Variants in CEP128 observed in about 807,000 individuals in gnomAD.
The protein encoded by CEP128 is centrosomal protein 128kDa.
Under a neutral mutation model 156.7 loss-of-function variants are expected in CEP128, and 132 were observed. The ratio of observed to expected loss-of-function variants is 0.84; its 90% CI spans 0.73 to 0.97. The LOEUF (loss-of-function observed/expected upper bound fraction) is 0.97. CEP128 is among the 50% of genes least tolerant of loss of function. CEP128 has a pLI of 0.00. For synonymous variants in CEP128, 469 were observed against 448.9 expected (o/e 1.04, Z -0.57); for missense variants, 1,252 against 1,281.9 (o/e 0.98, Z 0.36).
chr14:80,628,137 C>A (rs957128258), intron 19 of CEP128, among the ~76,000 whole-genome samples: 1 of 152,232 alleles, frequency 6.6e-6, no homozygotes, highest in African/African-American at 2.4e-5. Flanking sequence ...AACTAACCTC[C>A]AAAGGGAAAT....
At chr14:80,638,893 G>T (rs1353868196) in intron 19 of CEP128, among the ~76,000 whole-genome samples, 1 of 152,202 alleles carries the variant, frequency 6.6e-6, no homozygotes, top group East Asian at 1.9e-4. Flanking sequence ...GGTTTTAGAA[G>T]TCAATGACTC....
chr14:80,694,764 G>A (rs937981908), intron 19 of CEP128, among the ~76,000 whole-genome samples: 1 of 151,866 alleles, frequency 6.6e-6, no homozygotes, highest in African/African-American at 2.4e-5. Flanking sequence ...TAGGGGGCAA[G>A]GGGAAGGGGA....
intron 21 of CEP128, among the ~76,000 whole-genome samples, chr14:80,535,224 G>T (rs928287720): frequency 2.0e-5 from 3 of 152,208 alleles, no homozygotes; most frequent in Admixed American, 2.0e-4. Context: ...TCATTATACA[G>T]ATAAGGCAAT....
At chr14:80,620,312 TAGAG>T (rs1468056938) in intron 19 of CEP128, among the ~76,000 whole-genome samples, 1 of 151,868 alleles carries the variant, frequency 6.6e-6, no homozygotes, top group African/African-American at 2.4e-5. Context: ...AAGGAGACAA[TAGAG>T]AGAAGCAATT....
chr14:80,913,306 T>C (rs1235618203), intron 4 of CEP128, among the ~76,000 whole-genome samples: 1 of 152,232 alleles, frequency 6.6e-6, no homozygotes, highest in Non-Finnish European at 1.5e-5. Flanking sequence ...ACATTCATAC[T>C]ATGGAATACG....
At chr14:80,839,623 T>C (rs920483517) in intron 10 of CEP128, among the ~76,000 whole-genome samples, 3 of 152,224 alleles carry the variant, frequency 2.0e-5, no homozygotes, top group African/African-American at 7.2e-5. Flanking sequence ...ATGGCAATTA[T>C]GCAAAATGTT....
intron 19 of CEP128, among the ~76,000 whole-genome samples, chr14:80,596,119 C>T (rs899365764): frequency 6.8e-6 from 1 of 147,370 alleles, no homozygotes; most frequent in Non-Finnish European, 1.5e-5. Flanking sequence ...AAAAGGCAGA[C>T]TTAAATCCTA....
intron 19 of CEP128, among the ~76,000 whole-genome samples, chr14:80,614,290 A>G (rs1893123773): frequency 6.6e-6 from 1 of 152,186 alleles, no homozygotes. Flanking sequence ...TGTTGAAGCC[A>G]GTGGACACTC....
intron 23 of CEP128, among the ~76,000 whole-genome samples, chr14:80,506,515 A>G (rs981476729): frequency 3.3e-5 from 5 of 151,814 alleles, no homozygotes; most frequent in African/African-American, 1.2e-4. Flanking sequence ...TGAGGATAAC[A>G]GCAGGGTTCT....
intron 13 of CEP128, among the ~76,000 whole-genome samples, chr14:80,812,364 T>C (rs1884606381): frequency 6.6e-6 from 1 of 152,242 alleles, no homozygotes; most frequent in Non-Finnish European, 1.5e-5. Flanking sequence ...GCAATGAACA[T>C]AGACACCTAT....
intron 18 of CEP128, among the ~76,000 whole-genome samples, chr14:80,753,116 T>A (rs1188804253): frequency 1.3e-5 from 2 of 152,182 alleles, no homozygotes; most frequent in East Asian, 3.9e-4. Context: ...ATATTTAAGT[T>A]AAGGAAGTGC....
intron 13 of CEP128, among the ~76,000 whole-genome samples, chr14:80,800,004 G>C (rs944062604): frequency 3.3e-5 from 5 of 151,992 alleles, no homozygotes; most frequent in Non-Finnish European, 7.4e-5. Flanking sequence ...TAGTAGTTCT[G>C]CTTTTTGCCT....
At position 80,940,439 on chromosome 14, in the gene CEP128, C is replaced by T. The variant is rs115620576; in HGVS notation, c.-171-899G>A. 6.1e-3 allele frequency among the ~76,000 whole-genome samples: 934 copies of T among 152,334 alleles called. 9 individuals carry two copies. Among genetic ancestry groups the T allele is most frequent in the African/African-American group, 0.021 (878 of 41,582 alleles). On this transcript the variant is annotated intron_variant, in intron 1 of 24. Transcript: ENST00000555265. ...AGTCACTAGACACATGGCTACTGAG[C>T]TCTAGCTCTTGCCAGGTCAAACTGA...
chr14:80,842,813 A>C (rs1886406607), intron 9 of CEP128, among the ~76,000 whole-genome samples: 1 of 151,982 alleles, frequency 6.6e-6, no homozygotes, highest in African/African-American at 2.4e-5. Flanking sequence ...TTGTCTCCTA[A>C]GAGCAGTTTA....
At chr14:80,934,580 A>G (rs955332752) in intron 2 of CEP128, among the ~76,000 whole-genome samples, 1 of 152,178 alleles carries the variant, frequency 6.6e-6, no homozygotes, top group Non-Finnish European at 1.5e-5. Flanking sequence ...GAGGGCATAT[A>G]CTAGCTCTTG....
chr14:80,536,808 A>G (rs1889504503), intron 21 of CEP128, among the ~76,000 whole-genome samples: 1 of 152,184 alleles, frequency 6.6e-6, no homozygotes, highest in Admixed American at 6.5e-5. Context: ...AGTTGTGTGT[A>G]TTTCTTGGGA....
intron 11 of CEP128, 91 bp from the exon 12 acceptor site, chr14:80,836,428 G>T: frequency 1.4e-6 from 2 of 1,393,566 alleles, no homozygotes; most frequent in Non-Finnish European, 2.0e-6. Context: ...TTGAATCCAG[G>T]TTAATCTCCT....
intron 19 of CEP128, among the ~76,000 whole-genome samples, chr14:80,637,690 C>T (rs1005443612): frequency 2.6e-5 from 4 of 152,112 alleles, no homozygotes; most frequent in Non-Finnish European, 4.4e-5. Context: ...AACCGTGAAA[C>T]CTGTGAATGT....
intron 1 of CEP128, among the ~76,000 whole-genome samples, chr14:80,940,168 A>AG (rs755711839): frequency 8.6e-4 from 131 of 152,202 alleles, no homozygotes; most frequent in Non-Finnish European, 1.0e-3. Flanking sequence ...AACCATTTCA[A>AG]GAAAAAAAAA....
Sources: allele counts gnomAD v4.1 joint callset (sites outside exome capture counted in the v4.1 genomes callset), GRCh38; gene constraint gnomAD v4.1.1; transcripts MANE v1.5; gene names NCBI Gene and HGNC (gene_info 2026-07-23, HGNC 2026-07-21).